Variants in ELF2 observed in about 807,000 individuals in gnomAD.
ELF2 encodes the protein E74 like ETS transcription factor 2.
Under a neutral mutation model 54.8 loss-of-function variants are expected in ELF2, and 11 were observed. That is an observed-to-expected ratio of 0.20 (90% confidence interval 0.13 to 0.33). The LOEUF is 0.33. Ranked by LOEUF, ELF2 falls within the 10% of genes least tolerant of loss-of-function variation. ELF2 has a pLI of 1.00. For missense variants in ELF2, 513 were observed against 703.0 expected (o/e 0.73, Z 3.06); for synonymous variants, 203 against 245.1 (o/e 0.83, Z 1.61).
chr4:139,155,542 C>T (rs529249522), intron 1 of ELF2: 5 of 151,970 alleles, frequency 3.3e-5, no homozygotes, highest in African/African-American at 7.2e-5. Context: ...TCCAGGAGTT[C>T]GAGACTAACC....
intron 1 of ELF2, among the ~76,000 whole-genome samples, chr4:139,161,256 G>T (rs1220741504): frequency 1.3e-5 from 2 of 152,016 alleles, no homozygotes; most frequent in African/African-American, 4.8e-5. Context: ...TAAATAAGCT[G>T]GTTTTAAATT....
intron 7 of ELF2, among the ~76,000 whole-genome samples, chr4:139,063,930 T>C (rs1438573352): frequency 1.3e-5 from 2 of 152,090 alleles, no homozygotes; most frequent in Non-Finnish European, 2.9e-5. Context: ...GAGAGAGTAG[T>C]AGGCAGCGGT....
intron 7 of ELF2, among the ~76,000 whole-genome samples, chr4:139,065,051 ATAG>A: frequency 6.6e-6 from 1 of 152,226 alleles, no homozygotes. Context: ...TTTTGTTCAC[ATAG>A]TAGTAAATGT....
chr4:139,091,526 C>A (rs1380259016), intron 4 of ELF2, among the ~76,000 whole-genome samples: 1 of 152,034 alleles, frequency 6.6e-6, no homozygotes, highest in Non-Finnish European at 1.5e-5. Flanking sequence ...ACTCTGTTGC[C>A]CAGGCTGAGT....
chr4:139,071,944 T>C lies in ELF2; in HGVS notation c.448A>G (p.Thr150Ala), dbSNP rs146233495. Residue 150 changes from threonine to alanine, a missense_variant, in exon 6 of 10, where the codon ACT becomes GCT. Coordinates refer to ENST00000686138, the MANE Select transcript of ELF2 (RefSeq NM_001331036.3). ...GTATCCATGGGTTCAGACTCTTCAG[T>C]TGACACCTCCACTACAGTTTCTGTA... ...VITETVVEVS[T>A]EESEPMDTSP... The C allele has an allele frequency of 1.1e-3, 1,728 of 1,613,988 alleles. 2 individuals carry two copies. Among genetic ancestry groups the C allele is most frequent in the Middle Eastern group, 6.6e-3 (40 of 6,058 alleles).
chr4:139,114,009 A>G (rs1735260852), intron 4 of ELF2, among the ~76,000 whole-genome samples: 1 of 152,176 alleles, frequency 6.6e-6, no homozygotes, highest in Non-Finnish European at 1.5e-5. Context: ...AAATCGTGCT[A>G]TTTTAACGAG....
At position 139,172,882 on chromosome 4, in the gene ELF2, CGGGGGGGGGGGGG is replaced by C. The variant is rs59019279; in HGVS notation, c.-252+4072_-252+4084del. Among the ~76,000 whole-genome samples the C allele has an allele frequency of 2.7e-4, 14 of 51,214 alleles. 1 individual carries two copies. The highest frequency in any genetic ancestry group is 1.3e-3 in the South Asian group (1 of 792). The allele number at this position is 51,214 out of a possible 152,430, so 33.6% of individuals were successfully genotyped here. ...CTTGGAATGTATCCCACACAGATAA[CGGGGGGGGGGGGG>C]GGGGGGGGGGCTATCATATACCTAT... On this transcript the variant is annotated intron_variant, in intron 1 of 9. Transcript: ENST00000686138.
chr4:139,115,165 T>G, intron 4 of ELF2: 7 of 1,612,800 alleles, frequency 4.3e-6, no homozygotes, highest in Non-Finnish European at 5.9e-6. Flanking sequence ...CTCCTCTAGG[T>G]TGAGGCGCTT....
intron 1 of ELF2, among the ~76,000 whole-genome samples, chr4:139,145,261 T>C (rs865988542): frequency 1.3e-5 from 2 of 152,280 alleles, no homozygotes; most frequent in Non-Finnish European, 2.9e-5. Flanking sequence ...GCACTACGGC[T>C]ATTTACAACC....
At chr4:139,072,346 T>A (rs941515366) in intron 5 of ELF2, 14 of 236,378 alleles carry the variant, frequency 5.9e-5, no homozygotes, top group African/African-American at 2.8e-4. Context: ...TAAATTATTC[T>A]AAGAGTTGTG....
chr4:139,121,309 C>T (rs1368106884), intron 4 of ELF2, among the ~76,000 whole-genome samples: 6 of 150,960 alleles, frequency 4.0e-5, no homozygotes, highest in East Asian at 1.9e-4. Flanking sequence ...GGGGTTTCAC[C>T]GTGTTAGCCA....
Position 139,177,007 on chromosome 4 carries a change from C to G in ELF2, c.-292G>C, listed in dbSNP as rs1177744441. 1 of 152,262 alleles carries G rather than the reference C, an allele frequency of 6.6e-6. No homozygotes were observed. The highest frequency in any genetic ancestry group is 2.4e-5 in the African/African-American group (1 of 41,454). The allele number at this position is 152,262 out of a possible 1,614,324, so 9.4% of individuals were successfully genotyped here. On this transcript the variant is annotated 5_prime_UTR_variant, in exon 1 of 10. Coordinates refer to ENST00000686138, the MANE Select transcript of ELF2 (RefSeq NM_001331036.3). ...CCTGGGAAGACCGCGGCGTCCTTTT[C>G]CCTCTCAGCAGGGCCGCGGACTAGC... is the stretch of plus-strand genomic sequence containing the variant.
intron 4 of ELF2, among the ~76,000 whole-genome samples, chr4:139,120,216 C>T (rs780615902): frequency 7.2e-5 from 11 of 152,114 alleles, no homozygotes; most frequent in South Asian, 2.1e-4. Flanking sequence ...CATGAACAAG[C>T]GTCAAAAAGC....
chr4:139,114,596 C>CACACACAA (rs1560826314), intron 4 of ELF2, among the ~76,000 whole-genome samples: 2 of 146,852 alleles, frequency 1.4e-5, no homozygotes, highest in African/African-American at 5.0e-5. Flanking sequence ...CACACACACA[C>CACACACAA]AATTTAGGAG....
At chr4:139,123,428 G>C (rs1397835220) in intron 4 of ELF2, among the ~76,000 whole-genome samples, 1 of 151,998 alleles carries the variant, frequency 6.6e-6, no homozygotes, top group African/African-American at 2.4e-5. Context: ...CCCAGCAAAT[G>C]ATATCATTAC....
chr4:139,074,535 G>C (rs62320530), intron 4 of ELF2, among the ~76,000 whole-genome samples: 97,392 of 151,748 alleles, frequency 0.64, 32,167 homozygotes, highest in Admixed American at 0.76. Context: ...GCCAAGGCGT[G>C]CGGATCACGA....
At position 139,165,618 on chromosome 4, in the gene ELF2, G is replaced by A. The variant is rs189540658; in HGVS notation, c.-252+11349C>T. Among the ~76,000 whole-genome samples, 14 of 152,118 alleles carry A rather than the reference G, an allele frequency of 9.2e-5. 1 individual carries two copies. In the South Asian group the frequency reaches 1.5e-3, roughly 16 times the overall value. On this transcript the variant is annotated intron_variant, in intron 1 of 9. Coordinates refer to ENST00000686138, the MANE Select transcript of ELF2 (RefSeq NM_001331036.3). ...GCAGAGGTTACAGTAAGCTGAGATC[G>A]CACCACTGCACTCCAGCCTGGGCAA...
intron 6 of ELF2, among the ~76,000 whole-genome samples, chr4:139,071,373 G>T (rs1324851493): frequency 6.6e-6 from 1 of 151,764 alleles, no homozygotes; most frequent in Non-Finnish European, 1.5e-5. Context: ...TGTTGCCCAG[G>T]TTGGCCTCAA....
chr4:139,130,001 G>A (rs535177048), intron 3 of ELF2, among the ~76,000 whole-genome samples: 5 of 152,172 alleles, frequency 3.3e-5, no homozygotes, highest in Admixed American at 1.3e-4. Context: ...CTGGAAATAA[G>A]GTCTTTGCAG....
Sources: gnomAD v4.1 joint callset for allele counts (sites outside exome capture counted in the v4.1 genomes callset) on GRCh38, gnomAD v4.1.1 for gene constraint, MANE v1.5 for transcripts, NCBI Gene and HGNC (gene_info 2026-07-23, HGNC 2026-07-21) for gene names.